The following GCN1 variants were observed in gnomAD, a reference collection of about 807,000 sequenced individuals.
GCN1 encodes stalled ribosome sensor GCN1.
A neutral mutation model predicts 288.4 loss-of-function variants in GCN1; 90 were observed. That is an observed-to-expected ratio of 0.31 (90% CI 0.26 to 0.37). GCN1 has a LOEUF of 0.37. GCN1 is among the 10% of genes least tolerant of loss of function. The pLI, the probability that GCN1 is intolerant of heterozygous loss-of-function variation, is 1.00. For missense variants in GCN1, 2,586 were observed against 3,419.9 expected, an observed-to-expected ratio of 0.76 and a Z score of 6.08; for synonymous variants, 1,386 against 1,420.2, an observed-to-expected ratio of 0.98 and a Z score of 0.54.
chr12:120,131,866 G>A (rs1053225176), intron 54 of GCN1, 60 bp downstream of exon 54: 29 of 1,034,866 alleles, frequency 2.8e-5, no homozygotes, highest in Admixed American at 7.9e-5. Flanking sequence ...GATGCCCGTC[G>A]ACTCTTCGCT....
Position 120,166,200 on chromosome 12 carries a change from C to T in GCN1, c.1613-1479G>A, listed in dbSNP as rs1346241511. On this transcript the variant is annotated intron_variant, in intron 16 of 57. Coordinates refer to ENST00000300648, the MANE Select transcript of GCN1 (RefSeq NM_006836.2). Reference sequence around the variant, plus strand: ...GGCAGGTCACCTGAAGTCAGGAGTTCGAGACCAGCCTGGCCAACATAGTAA... The same window carrying T: ...GGCAGGTCACCTGAAGTCAGGAGTTTGAGACCAGCCTGGCCAACATAGTAA... Among the ~76,000 whole-genome samples, 3 of 150,846 alleles carry T rather than the reference C, an allele frequency of 2.0e-5. No individual in the cohort carries two copies. The East Asian group carries it at 6.0e-4, about 30-fold the overall frequency.
At position 120,156,619 on chromosome 12, in the gene GCN1, A is replaced by G; in HGVS notation, c.3169-15T>C. 1 of 1,613,368 alleles carries G rather than the reference A, an allele frequency of 6.2e-7. No individual in the cohort carries two copies. The highest frequency in any genetic ancestry group is 1.1e-5 in the South Asian group (1 of 91,040). Reference sequence around the variant, plus strand: ...GAAGCCAGAACCTAAGGAGAACATCAATCCACTGGTTCAGTCAGCAACTCA... The same window carrying G: ...GAAGCCAGAACCTAAGGAGAACATCGATCCACTGGTTCAGTCAGCAACTCA... On this transcript the variant is annotated splice_polypyrimidine_tract_variant and intron_variant, in intron 27 of 57. Transcript: ENST00000300648. The surrounding 1 kb of genome is among the most constrained non-coding windows in gnomAD (Gnocchi z 5.8).
intron 45 of GCN1, 151 bp downstream of exon 45, chr12:120,140,708 G>T (rs1349752877): frequency 3.0e-6 from 2 of 661,312 alleles, no homozygotes; most frequent in Non-Finnish European, 4.9e-6. Flanking sequence ...AGTCCATGTG[G>T]CCCAGCCAGC....
chr12:120,173,183 C>T (rs761310916), intron 14 of GCN1, among the ~76,000 whole-genome samples: 5 of 151,684 alleles, frequency 3.3e-5, no homozygotes, highest in Non-Finnish European at 7.4e-5. Flanking sequence ...CAGCCTCCCA[C>T]GTAGCTGAGA....
intron 38 of GCN1, 24 bp from the exon 39 acceptor site, chr12:120,145,354 C>A: frequency 6.5e-7 from 1 of 1,529,634 alleles, no homozygotes; most frequent in Non-Finnish European, 8.8e-7. Context: ...GGAGGCGGCT[C>A]AGGTGAGGCC....
intron 2 of GCN1, among the ~76,000 whole-genome samples, chr12:120,186,356 C>G (rs1453375079): frequency 6.7e-6 from 1 of 150,044 alleles, no homozygotes; most frequent in African/African-American, 2.5e-5. Context: ...GCCCAGGAGA[C>G]AGAGCGAGAC....
chr12:120,152,434 A>G (rs894923349), intron 33 of GCN1, among the ~76,000 whole-genome samples: 1 of 133,242 alleles, frequency 7.5e-6, no homozygotes, highest in South Asian at 2.3e-4. Flanking sequence ...ATAAATATAT[A>G]TATATTTATA....
chr12:120,141,465 G>C (rs59643776), intron 44 of GCN1, among the ~76,000 whole-genome samples: 3,766 of 152,254 alleles, frequency 0.025, 158 homozygotes, highest in African/African-American at 0.085. Context: ...TGCCAAGGAT[G>C]GGGGGTTGGA....
At chr12:120,181,596 T>C (rs1021843290) in intron 5 of GCN1, among the ~76,000 whole-genome samples, 3 of 151,198 alleles carry the variant, frequency 2.0e-5, no homozygotes, top group African/African-American at 7.3e-5. Flanking sequence ...TCCCAGCACT[T>C]TGGGAGGCCG....
intron 14 of GCN1, among the ~76,000 whole-genome samples, chr12:120,171,236 C>T (rs565699192): frequency 5.3e-5 from 8 of 151,728 alleles, no homozygotes; most frequent in Non-Finnish European, 1.2e-4. Flanking sequence ...GAGGCTGAGG[C>T]GAGCAGATCA....
At position 120,162,988 on chromosome 12, in the gene GCN1, CTCTT is replaced by C; in HGVS notation, c.2039-21_2039-18del. On this transcript the variant is annotated intron_variant, in intron 19 of 57. Coordinates refer to ENST00000300648, the MANE Select transcript of GCN1 (RefSeq NM_006836.2). ...GCACGGCAACTGAAGGGGAAGGGAGCTCTTTGAGGCCTTCTGCCTGGCCTGCTCT... is the reference window on the plus strand; with the variant it reads ...GCACGGCAACTGAAGGGGAAGGGAGCTGAGGCCTTCTGCCTGGCCTGCTCT... 6.2e-7 allele frequency: 1 copy of C among 1,614,072 alleles called. No homozygotes were observed. The highest frequency in any genetic ancestry group is 8.5e-7 in the Non-Finnish European group (1 of 1,179,940).
chr12:120,158,576 G>C lies in GCN1; in HGVS notation c.2789C>G (p.Pro930Arg). 6.2e-7 allele frequency: 1 copy of C among 1,608,236 alleles called. No individual in the cohort carries two copies. The highest frequency in any genetic ancestry group is 1.1e-5 in the South Asian group (1 of 89,638). The change falls in exon 25 of 58, where the codon CCA (proline) becomes CGA (arginine). Residue 930 changes from proline to arginine, a missense_variant. By Grantham distance (103) the Pro-to-Arg change is moderately radical. This residue lies in a region of GCN1 where 153 missense variants were observed against 252.0 expected (regional missense o/e 0.61). Transcript: ENST00000300648. The surrounding 1 kb of genome is among the most constrained non-coding windows in gnomAD (Gnocchi z 4.3). ...VSHVTLRLLK[P>R]ECVLDKSWCQ... ...CCAGGACTTATCCAGGACACACTCT[G>C]GCTTCAGCAGGCGCAGGGTCACGTG...
chr12:120,165,858 C>T (rs2139120313), intron 16 of GCN1, among the ~76,000 whole-genome samples: 1 of 152,060 alleles, frequency 6.6e-6, no homozygotes, highest in Admixed American at 6.5e-5. Flanking sequence ...ATGGTGCAAT[C>T]TCGGCTTACT....
chr12:120,151,128 A>T lies in GCN1; in HGVS notation c.4309+17T>A. ...CAACTTCCCATGCTGGGCAGCCCCA[A>T]GCTCAGAGATGCTCACCCTCTCGCC... is the stretch of plus-strand genomic sequence containing the variant. On this transcript the variant is annotated intron_variant, in intron 34 of 57. Coordinates refer to ENST00000300648, the MANE Select transcript of GCN1 (RefSeq NM_006836.2). 6.2e-7 allele frequency: 1 copy of T among 1,609,668 alleles called. No individual in the cohort carries two copies. Among genetic ancestry groups the T allele is most frequent in the East Asian group, 2.2e-5 (1 of 44,824 alleles).
At chr12:120,185,201 C>T (rs1207754649) in intron 2 of GCN1, among the ~76,000 whole-genome samples, 1 of 152,166 alleles carries the variant, frequency 6.6e-6, no homozygotes, top group Middle Eastern at 3.2e-3. Flanking sequence ...GCTGGTTATA[C>T]TGGTGTTTAA....
Position 120,142,190 on chromosome 12 carries a change from G to A in GCN1, c.5829+317C>T, listed in dbSNP as rs1877219036. ...AAATATAAAAAAATGGCCAGGTGTG[G>A]TGGTGGATGCCTGTAGTCCCAGCTA... On this transcript the variant is annotated intron_variant, in intron 44 of 57. Coordinates refer to ENST00000300648, the MANE Select transcript of GCN1 (RefSeq NM_006836.2). The surrounding 1 kb of genome is among the most constrained non-coding windows in gnomAD (Gnocchi z 4.9). Among the ~76,000 whole-genome samples, 1 of 152,130 alleles carries A rather than the reference G, an allele frequency of 6.6e-6. No individual in the cohort carries two copies. The highest frequency in any genetic ancestry group is 1.5e-5 in the Non-Finnish European group (1 of 68,022).
At chr12:120,188,440 G>GAAAAAAAAA (rs1229562559) in intron 2 of GCN1, among the ~76,000 whole-genome samples, 1 of 115,760 alleles carries the variant, frequency 8.6e-6, no homozygotes, top group Non-Finnish European at 1.7e-5. Context: ...TCTCACCAAA[G>GAAAAAAAAA]AAAAAAAAAA....
intron 44 of GCN1, 145 bp from the exon 45 acceptor site, chr12:120,141,168 AG>A: frequency 1.5e-6 from 1 of 689,154 alleles, no homozygotes; most frequent in Non-Finnish European, 2.5e-6. Flanking sequence ...ACCCCTAAAG[AG>A]CCCCCAAATA....
Position 120,175,103 on chromosome 12 carries a change from G to A in GCN1, c.1093+59C>T, listed in dbSNP as rs954635420. 43 of 1,435,818 alleles carry A rather than the reference G, an allele frequency of 3.0e-5. No individual in the cohort carries two copies. The Middle Eastern group carries it at 5.7e-4, about 19-fold the overall frequency. The allele number at this position is 1,435,818 out of a possible 1,614,324, so 88.9% of individuals were successfully genotyped here. On this transcript the variant is annotated intron_variant, in intron 12 of 57. Coordinates refer to ENST00000300648, the MANE Select transcript of GCN1 (RefSeq NM_006836.2). ...GATGGCACCACTGCACTCTATCCTAGATGACACAGCAAGACTTTCTCTCAA... is the reference window on the plus strand; with the variant it reads ...GATGGCACCACTGCACTCTATCCTAAATGACACAGCAAGACTTTCTCTCAA...
Sources: allele counts gnomAD v4.1 joint callset (sites outside exome capture counted in the v4.1 genomes callset), GRCh38; gene constraint gnomAD v4.1.1; regional missense constraint gnomAD v4.1.1; non-coding constraint Gnocchi (gnomAD v3.1); transcripts MANE v1.5; gene names NCBI Gene and HGNC (gene_info 2026-07-23, HGNC 2026-07-21).